PATJ: variants seen among roughly 807,000 people sequenced by gnomAD.
PATJ encodes the protein inaD-like protein.
PATJ carries 190 observed loss-of-function variants against 224.9 expected under a neutral mutation model. The ratio of observed to expected loss-of-function variants is 0.84; its 90% CI spans 0.75 to 0.95. The LOEUF is 0.95. Ranked by LOEUF, PATJ falls within the 40% of genes least tolerant of loss-of-function variation. PATJ has a pLI of 0.00. For synonymous variants in PATJ, 769 were observed against 820.3 expected, an observed-to-expected ratio of 0.94 and a Z score of 1.07; for missense variants, 2,121 against 2,270.3, an observed-to-expected ratio of 0.93 and a Z score of 1.34.
intron 27 of PATJ, among the ~76,000 whole-genome samples, chr1:61,985,002 T>C (rs1363836657): frequency 6.6e-6 from 1 of 152,016 alleles, no homozygotes; most frequent in East Asian, 1.9e-4. Context: ...CAAAAAAGCA[T>C]TGACTAGAAA....
At position 61,901,353 on chromosome 1, in the gene PATJ, GT is replaced by G; in HGVS notation, c.3276del (p.Leu1093Ter). On this transcript the variant is annotated frameshift_variant, in exon 24 of 44. Coordinates refer to ENST00000642238, the MANE Select transcript of PATJ (RefSeq NM_001350145.3). LOFTEE classifies it high-confidence loss of function. Reference sequence around the variant, plus strand: ...GTTGGTGGACAAACTGTTATAAAACGTCTAAAGAATGGAGAGGAGCTTAAAG... The same window carrying G: ...GTTGGTGGACAAACTGTTATAAAACGCTAAAGAATGGAGAGGAGCTTAAAG... ...SIVGGQTVIK[R>X]LKNGEELKGI... The G allele has an allele frequency of 6.3e-7, 1 of 1,585,540 alleles. No individual in the cohort carries two copies. The highest frequency in any genetic ancestry group is 1.2e-5 in the South Asian group (1 of 85,662).
Position 61,852,119 on chromosome 1 carries a change from TAAAAAA to T in PATJ, c.2113-3894_2113-3889del, listed in dbSNP as rs3030913. Among the ~76,000 whole-genome samples the T allele has an allele frequency of 4.7e-3, 513 of 108,914 alleles. 6 individuals are homozygous for T. Among genetic ancestry groups the T allele is most frequent in the African/African-American group, 0.017 (482 of 28,188 alleles). The allele number at this position is 108,914 out of a possible 152,430, so 71.5% of individuals were successfully genotyped here. ...TGGGTGACAGAGAGGGATTCTGTCT[TAAAAAA>T]AAAAAAAAAAAAAAAAGAGGTGTAG... On this transcript the variant is annotated intron_variant, in intron 17 of 43. Transcript: ENST00000642238.
At position 61,814,516 on chromosome 1, in the gene PATJ, T is replaced by C. The variant is rs544956056; in HGVS notation, c.1683+5986T>C. Among the ~76,000 whole-genome samples the C allele has an allele frequency of 3.5e-4, 39 of 109,864 alleles. 1 individual carries two copies. The highest frequency in any genetic ancestry group is 1.8e-3 in the African/African-American group (39 of 22,098). The allele number at this position is 109,864 out of a possible 152,430, so 72.1% of individuals were successfully genotyped here. On this transcript the variant is annotated intron_variant, in intron 14 of 43. Transcript: ENST00000642238. ...TGCAGTCAGTATTACCTGCCTTTTG[T>C]TTAGTGTGTGTGTGTGTGTGTGTGT...
intron 27 of PATJ, among the ~76,000 whole-genome samples, chr1:61,940,000 A>G (rs150617257): frequency 2.0e-5 from 3 of 152,164 alleles, no homozygotes; most frequent in African/African-American, 7.2e-5. Context: ...TTGACAGAAT[A>G]ATTCAGCTTC....
intron 28 of PATJ, among the ~76,000 whole-genome samples, chr1:62,004,751 T>A (rs1370012104): frequency 6.6e-6 from 1 of 152,248 alleles, no homozygotes; most frequent in Admixed American, 6.5e-5. Context: ...TAAATGGTAC[T>A]ATTATAGTTA....
intron 43 of PATJ, among the ~76,000 whole-genome samples, chr1:62,158,505 G>A (rs888461495): frequency 1.3e-5 from 2 of 148,488 alleles, no homozygotes; most frequent in Admixed American, 1.4e-4. Context: ...GGATCACGAG[G>A]TCAGGAGATT....
intron 18 of PATJ, among the ~76,000 whole-genome samples, chr1:61,860,833 TAA>T (rs760245834): frequency 2.5e-4 from 33 of 133,400 alleles, no homozygotes; most frequent in Non-Finnish European, 2.1e-4. Context: ...TGTCTCAATT[TAA>T]AAAAAAAAAA....
At chr1:61,886,817 C>CCG (rs1571119628) in intron 22 of PATJ, among the ~76,000 whole-genome samples, 1 of 4,010 alleles carries the variant, frequency 2.5e-4, no homozygotes, top group East Asian at 7.4e-3. Context: ...AAGACCCCAT[C>CCG]TCAAAAAAAA....
chr1:62,045,856 G>T (rs1245146915), intron 30 of PATJ, among the ~76,000 whole-genome samples: 1 of 152,054 alleles, frequency 6.6e-6, no homozygotes, highest in Non-Finnish European at 1.5e-5. Context: ...GGTGAGTGGG[G>T]TATTTTGAAG....
At chr1:61,785,502 C>T (rs893988368) in intron 7 of PATJ, among the ~76,000 whole-genome samples, 13 of 152,286 alleles carry the variant, frequency 8.5e-5, no homozygotes, top group African/African-American at 2.9e-4. Flanking sequence ...GTCAGTCAAA[C>T]TGTTTGTATC....
chr1:61,989,783 G>A (rs191596245), intron 27 of PATJ, among the ~76,000 whole-genome samples: 47 of 152,204 alleles, frequency 3.1e-4, no homozygotes, highest in Middle Eastern at 3.4e-3. Context: ...AGGTCTTATG[G>A]GTGAGTTAAA....
intron 3 of PATJ, among the ~76,000 whole-genome samples, 168 bp downstream of exon 3, chr1:61,763,347 A>G (rs1349810652): frequency 6.6e-6 from 1 of 152,120 alleles, no homozygotes; most frequent in Non-Finnish European, 1.5e-5. Context: ...ATTGGCATAG[A>G]TAATTTAGAA....
chr1:61,871,401 G>A (rs868322025), intron 20 of PATJ, among the ~76,000 whole-genome samples: 23 of 82,356 alleles, frequency 2.8e-4, no homozygotes, highest in African/African-American at 7.8e-4. Flanking sequence ...ATATATATAT[G>A]TGTATATATA....
At chr1:62,082,244 T>G (rs149210808) in intron 32 of PATJ, among the ~76,000 whole-genome samples, 1,669 of 152,300 alleles carry the variant, frequency 0.011, 12 homozygotes, top group Middle Eastern at 0.031. Context: ...CAGGAGGCCT[T>G]TAGATTAATA....
At chr1:62,054,426 A>G in intron 31 of PATJ, 2 of 332,632 alleles carry the variant, frequency 6.0e-6, no homozygotes, top group South Asian at 2.7e-5. Flanking sequence ...CTCCAGTGCT[A>G]TTTTCAGTAT....
intron 28 of PATJ, among the ~76,000 whole-genome samples, chr1:61,999,309 T>C (rs1433378633): frequency 2.0e-5 from 3 of 152,190 alleles, no homozygotes; most frequent in Non-Finnish European, 4.4e-5. Context: ...TGTAGTGAAA[T>C]GCAGCCTGGA....
intron 31 of PATJ, among the ~76,000 whole-genome samples, chr1:62,074,706 G>A (rs945898406): frequency 5.3e-5 from 8 of 152,222 alleles, no homozygotes; most frequent in African/African-American, 1.4e-4. Context: ...GCTCATGCCT[G>A]TAATCCCAGC....
intron 34 of PATJ, among the ~76,000 whole-genome samples, chr1:62,111,421 A>C (rs1663796429): frequency 1.3e-5 from 2 of 152,370 alleles, no homozygotes; most frequent in African/African-American, 4.8e-5. Context: ...AAGTTACTTC[A>C]ATTCCTTGTA....
At chr1:61,796,517 GA>G (rs1651136918) in intron 10 of PATJ, among the ~76,000 whole-genome samples, 1 of 152,108 alleles carries the variant, frequency 6.6e-6, no homozygotes, top group Non-Finnish European at 1.5e-5. Flanking sequence ...AATTGCATCA[GA>G]GATTAAAGTC....
Sources: gnomAD v4.1 joint callset for allele counts (sites outside exome capture counted in the v4.1 genomes callset) on GRCh38, gnomAD v4.1.1 for gene constraint, MANE v1.5 for transcripts, NCBI Gene and HGNC (gene_info 2026-07-23, HGNC 2026-07-21) for gene names.